Variants in NEBL observed in about 807,000 individuals in gnomAD.
NEBL encodes LIM and SH3 protein 2.
Under a neutral mutation model 140.2 loss-of-function variants are expected in NEBL, and 122 were observed. The ratio of observed to expected loss-of-function variants is 0.87; its 90% confidence interval spans 0.75 to 1.01. NEBL has a LOEUF of 1.01. Among genes scored for constraint, NEBL ranks in the 50% least tolerant of loss-of-function variants. The pLI, the probability that NEBL is intolerant of heterozygous loss-of-function variation, is 0.00. For missense variants in NEBL, 1,365 were observed against 1,231.3 expected, an observed-to-expected ratio of 1.11 and a Z score of -1.62; for synonymous variants, 436 against 398.9, an observed-to-expected ratio of 1.09 and a Z score of -1.11.
chr10:20,995,658 G>A (rs987277810), intron 3 of NEBL, among the ~76,000 whole-genome samples: 2 of 152,090 alleles, frequency 1.3e-5, no homozygotes, highest in Admixed American at 1.3e-4. Flanking sequence ...GTAAACTGTT[G>A]CTAATAAACC....
At chr10:21,159,363 C>T (rs141533472) in intron 2 of NEBL, among the ~76,000 whole-genome samples, 1 of 152,124 alleles carries the variant, frequency 6.6e-6, no homozygotes, top group African/African-American at 2.4e-5. Flanking sequence ...CAAGCACAGC[C>T]TTTCCTTCTT....
In NEBL at chr10:21,040,248, C is replaced by T. The variant is rs142271514; in HGVS notation, c.165-20047G>A. Among the ~76,000 whole-genome samples, 568 of 152,194 alleles carry T rather than the reference C, an allele frequency of 3.7e-3. 3 individuals carry two copies. Among genetic ancestry groups the T allele is most frequent in the African/African-American group, 0.013 (529 of 41,518 alleles). ...GGGTATGGTGGCGGGTGCCTGTAAT[C>T]CCAGCTACTTGGGAGGCTGAGGCAG... On this transcript the variant is annotated intron_variant, in intron 2 of 6. Transcript: ENST00000417816.
Position 21,256,925 on chromosome 10 carries a change from C to T in NEBL, n.183-5097G>A, listed in dbSNP as rs533716988. ...TCTATGCTGTTGAGGTTTTGTATGTCTACTGGTTCTATAAGCAGAAATACC... is the reference window on the plus strand; with the variant it reads ...TCTATGCTGTTGAGGTTTTGTATGTTTACTGGTTCTATAAGCAGAAATACC... On this transcript the variant is annotated intron_variant and non_coding_transcript_variant, in intron 1 of 8. Coordinates refer to the NEBL transcript ENST00000675702. Among the ~76,000 whole-genome samples the T allele has an allele frequency of 3.9e-5, 6 of 152,274 alleles. 1 individual carries two copies. Among genetic ancestry groups the T allele is most frequent in the African/African-American group, 1.4e-4 (6 of 41,554 alleles).
intron 7 of NEBL, among the ~76,000 whole-genome samples, chr10:20,867,387 G>A (rs567261033): frequency 1.3e-5 from 2 of 152,236 alleles, no homozygotes; most frequent in African/African-American, 2.4e-5. Flanking sequence ...ACTTTGAAAT[G>A]TAATTCAAGT....
intron 1 of NEBL, among the ~76,000 whole-genome samples, chr10:21,279,289 AT>A (rs33940640): frequency 0.039 from 5,156 of 131,778 alleles, 317 homozygotes; most frequent in African/African-American, 0.13. Flanking sequence ...TATTTTTTCA[AT>A]TTTTTTTTTT....
chr10:21,034,284 A>C (rs1452900016), intron 2 of NEBL, among the ~76,000 whole-genome samples: 1 of 152,140 alleles, frequency 6.6e-6, no homozygotes, highest in Non-Finnish European at 1.5e-5. Context: ...AAAATAATAA[A>C]TAAGCTAAAT....
intron 4 of NEBL, among the ~76,000 whole-genome samples, chr10:20,886,408 A>T (rs945538694): frequency 6.6e-6 from 1 of 152,020 alleles, no homozygotes; most frequent in African/African-American, 2.4e-5. Flanking sequence ...GTGCGCCTGT[A>T]ATGCCAGCTA....
At chr10:20,898,227 T>A (rs1253627297), upstream of NEBL, among the ~76,000 whole-genome samples, 2 of 152,136 alleles carry the variant, frequency 1.3e-5, no homozygotes, top group Non-Finnish European at 2.9e-5. Flanking sequence ...ATTCCAAGAC[T>A]CCCTACAACT....
intron 2 of NEBL, among the ~76,000 whole-genome samples, chr10:21,035,770 ACC>A (rs1170121069): frequency 6.6e-6 from 1 of 152,124 alleles, no homozygotes; most frequent in Non-Finnish European, 1.5e-5. Flanking sequence ...CAAATGGCAA[ACC>A]TCCCACCCAA....
At position 21,048,451 on chromosome 10, in the gene NEBL, C is replaced by CAAA. The variant is rs10626391; in HGVS notation, c.165-28253_165-28251dup. 4.3e-3 allele frequency among the ~76,000 whole-genome samples: 446 copies of CAAA among 103,036 alleles called. 7 individuals are homozygous for CAAA. Among genetic ancestry groups the CAAA allele is most frequent in the East Asian group, 0.011 (39 of 3,668 alleles). 67.6% of individuals were successfully genotyped at this position (103,036 alleles called of 152,430 possible). On this transcript the variant is annotated intron_variant, in intron 2 of 6. Transcript: ENST00000417816. ...ACTCTTAGACATAATAAATTTCTAC[C>CAAA]AAAAAAAAAAAAAAAAAACCTAAGT...
intron 2 of NEBL, among the ~76,000 whole-genome samples, chr10:21,117,243 A>G (rs1313971377): frequency 1.0e-4 from 15 of 145,614 alleles, no homozygotes; most frequent in South Asian, 8.7e-4. Context: ...GTGATAGGGG[A>G]AAAAAAAAAA....
At chr10:20,974,594 C>G (rs577385162) in intron 3 of NEBL, among the ~76,000 whole-genome samples, 4 of 152,138 alleles carry the variant, frequency 2.6e-5, no homozygotes, top group Non-Finnish European at 5.9e-5. Flanking sequence ...TTTCAAAAGA[C>G]TAGATTCTAA....
intron 3 of NEBL, among the ~76,000 whole-genome samples, chr10:21,182,662 T>C (rs944714024): frequency 6.6e-6 from 1 of 152,068 alleles, no homozygotes; most frequent in Non-Finnish European, 1.5e-5. Flanking sequence ...AGTCCAAAGA[T>C]CCACACATGT....
intron 3 of NEBL, among the ~76,000 whole-genome samples, chr10:21,016,826 C>T (rs1264353909): frequency 6.6e-6 from 1 of 152,178 alleles, no homozygotes; most frequent in Non-Finnish European, 1.5e-5. Flanking sequence ...AATGCCATTA[C>T]TGAGTATTAC....
intron 3 of NEBL, among the ~76,000 whole-genome samples, chr10:21,002,365 A>G (rs758577867): frequency 5.3e-5 from 8 of 152,144 alleles, no homozygotes; most frequent in Non-Finnish European, 1.0e-4. Context: ...CTTACTCACC[A>G]CCTACTACCT....
At chr10:20,910,128 T>C (rs1308692194) in intron 4 of NEBL, among the ~76,000 whole-genome samples, 1 of 152,228 alleles carries the variant, frequency 6.6e-6, no homozygotes, top group Admixed American at 6.5e-5. Flanking sequence ...GCAGCTTCTC[T>C]GTGCTTTTCA....
chr10:21,033,200 C>T (rs638597), intron 2 of NEBL, among the ~76,000 whole-genome samples: 138,069 of 152,226 alleles, frequency 0.91, 62,835 homozygotes, highest in East Asian at 0.99. Flanking sequence ...GAGAAACACA[C>T]GCAGATTTGG....
intron 27 of NEBL, among the ~76,000 whole-genome samples, 170 bp downstream of exon 27, chr10:20,787,032 C>A (rs1835472395): frequency 6.6e-6 from 1 of 152,160 alleles, no homozygotes. Context: ...CAGTTTACCT[C>A]TGTAAGTTTT....
intron 17 of NEBL, among the ~76,000 whole-genome samples, chr10:20,826,752 C>T (rs768874985): frequency 4.6e-5 from 7 of 152,198 alleles, no homozygotes; most frequent in Non-Finnish European, 1.0e-4. Flanking sequence ...ATAACCCTCT[C>T]CTGCTCTAGG....
Sources: allele counts gnomAD v4.1 joint callset (sites outside exome capture counted in the v4.1 genomes callset), GRCh38; gene constraint gnomAD v4.1.1; transcripts MANE v1.5; gene names NCBI Gene and HGNC (gene_info 2026-07-23, HGNC 2026-07-21).